The following WSCD2 variants were observed in gnomAD, a reference collection of about 807,000 sequenced individuals.
The protein encoded by WSCD2 is sialate:O-sulfotransferase 2.
A neutral mutation model predicts 55.7 loss-of-function variants in WSCD2; 28 were observed. That is an observed-to-expected ratio of 0.50 (90% CI 0.37 to 0.69). The LOEUF (loss-of-function observed/expected upper bound fraction) is 0.69, where lower values mean the gene tolerates loss of function less well. Ranked by LOEUF, WSCD2 falls within the 30% of genes least tolerant of loss-of-function variation. WSCD2 has a pLI of 0.00. For missense variants in WSCD2, 616 were observed against 762.1 expected, an observed-to-expected ratio of 0.81 and a Z score of 2.26; for synonymous variants, 301 against 301.9, an observed-to-expected ratio of 1.00 and a Z score of 0.03.
chr12:108,238,642 T>C lies in WSCD2; in HGVS notation c.1145-1702T>C, dbSNP rs1889456591. 2.0e-5 allele frequency among the ~76,000 whole-genome samples: 3 copies of C among 152,336 alleles called. No individual in the cohort carries two copies. In the South Asian group the frequency reaches 6.2e-4, roughly 32 times the overall value. On this transcript the variant is annotated intron_variant, in intron 7 of 8. Transcript: ENST00000547525. ...CACAATGGCCTTGTGAGGGAGAAAG[T>C]GCATGGACCCATTTTACAGATGAGG...
intron 4 of WSCD2, among the ~76,000 whole-genome samples, chr12:108,213,097 C>A (rs1886421014): frequency 6.6e-6 from 1 of 152,122 alleles, no homozygotes; most frequent in East Asian, 1.9e-4. Flanking sequence ...TTCATTGAAC[C>A]AAAACACTTG....
At chr12:108,222,336 G>T (rs1183275199) in intron 4 of WSCD2, among the ~76,000 whole-genome samples, 2 of 152,196 alleles carry the variant, frequency 1.3e-5, no homozygotes, top group East Asian at 3.8e-4. Flanking sequence ...TGGGTCCTTA[G>T]ATTTGTCTTG....
intron 1 of WSCD2, among the ~76,000 whole-genome samples, chr12:108,143,620 T>C (rs768742242): frequency 1.3e-5 from 2 of 152,170 alleles, no homozygotes; most frequent in Non-Finnish European, 2.9e-5. Flanking sequence ...AAATCACGCC[T>C]ATTATGACTG....
intron 1 of WSCD2, among the ~76,000 whole-genome samples, chr12:108,187,096 A>C (rs769067011): frequency 6.6e-6 from 1 of 152,202 alleles, no homozygotes; most frequent in Non-Finnish European, 1.5e-5. Context: ...GAATGTCTCA[A>C]ATCCCAACTC....
At chr12:108,193,005 T>C (rs1245420953) in intron 1 of WSCD2, among the ~76,000 whole-genome samples, 1 of 152,014 alleles carries the variant, frequency 6.6e-6, no homozygotes, top group Non-Finnish European at 1.5e-5. Context: ...AGAATAGACA[T>C]ACGGTTAGGA....
intron 2 of WSCD2, among the ~76,000 whole-genome samples, chr12:108,199,057 G>A (rs530684336): frequency 2.0e-5 from 3 of 152,310 alleles, no homozygotes; most frequent in African/African-American, 7.2e-5. Context: ...AGAAGGAAGA[G>A]AAAATAAGAA....
chr12:108,171,901 C>CA (rs958470728), intron 1 of WSCD2: 6 of 152,012 alleles, frequency 3.9e-5, no homozygotes, highest in Non-Finnish European at 8.8e-5. Context: ...TATTCCTAAA[C>CA]AAAAAAGAAA....
intron 1 of WSCD2, among the ~76,000 whole-genome samples, chr12:108,144,722 AG>A (rs1349052266): frequency 6.6e-6 from 1 of 152,166 alleles, no homozygotes; most frequent in Non-Finnish European, 1.5e-5. Flanking sequence ...GCCTGGTGAA[AG>A]GGAGTGAGAT....
intron 1 of WSCD2, among the ~76,000 whole-genome samples, chr12:108,187,744 G>C (rs1882685880): frequency 6.6e-6 from 1 of 152,162 alleles, no homozygotes; most frequent in South Asian, 2.1e-4. Flanking sequence ...TTTCCAATGA[G>C]GCAGGGTGGA....
At chr12:108,185,592 C>T (rs1299119968) in intron 1 of WSCD2, among the ~76,000 whole-genome samples, 2 of 152,126 alleles carry the variant, frequency 1.3e-5, no homozygotes, top group Admixed American at 6.5e-5. Context: ...CATTGTGATG[C>T]GCACACACAA....
chr12:108,150,404 C>G (rs907662616), intron 1 of WSCD2, among the ~76,000 whole-genome samples: 3 of 152,046 alleles, frequency 2.0e-5, no homozygotes, highest in Non-Finnish European at 4.4e-5. Flanking sequence ...AGGAGGGAGA[C>G]TTGGTTTATT....
At chr12:108,139,533 T>C (rs925889588) in intron 1 of WSCD2, among the ~76,000 whole-genome samples, 1 of 152,170 alleles carries the variant, frequency 6.6e-6, no homozygotes, top group African/African-American at 2.4e-5. Context: ...ACATGGGCTG[T>C]AGACTGAAAC....
At chr12:108,207,304 G>C (rs977280818) in intron 3 of WSCD2, among the ~76,000 whole-genome samples, 1 of 152,156 alleles carries the variant, frequency 6.6e-6, no homozygotes, top group Admixed American at 6.5e-5. Context: ...AACCTCAGCT[G>C]CATGCCTGGT....
Position 108,210,189 on chromosome 12 carries a change from A to G in WSCD2, c.566A>G (p.Asn189Ser). The change falls in exon 4 of 9, where the codon AAC (asparagine) becomes AGC (serine). Residue 189 changes from asparagine to serine, a missense_variant. Asn to Ser is a conservative substitution (Grantham distance 46). Coordinates refer to ENST00000547525, the MANE Select transcript of WSCD2 (RefSeq NM_014653.4). The surrounding 1 kb of genome is among the most constrained non-coding windows in gnomAD (Gnocchi z 4.3). ...TGCGGCCACAAGATCCAGGCGACGA[A>G]CGTGAGCGAGGCAGAGTGCGACATG... ...CYCGHKIQAT[N>S]VSEAECDMEC... 1 of 1,614,060 alleles carries G rather than the reference A, an allele frequency of 6.2e-7. No homozygotes were observed. Among genetic ancestry groups the G allele is most frequent in the Non-Finnish European group, 8.5e-7 (1 of 1,179,972 alleles).
intron 2 of WSCD2, chr12:108,196,929 G>T (rs1178272557): frequency 2.0e-5 from 3 of 152,250 alleles, no homozygotes; most frequent in Non-Finnish European, 4.4e-5. Context: ...GGAAACTGAG[G>T]CTTGAAGAAG....
intron 6 of WSCD2, 27 bp downstream of exon 6, chr12:108,227,191 C>T (rs748131174): frequency 8.1e-6 from 13 of 1,597,076 alleles, no homozygotes; most frequent in Admixed American, 1.7e-5. Flanking sequence ...CCCAGTGGAC[C>T]CCAGATGCAC....
chr12:108,187,562 A>G (rs1473157839), intron 1 of WSCD2, among the ~76,000 whole-genome samples: 1 of 152,138 alleles, frequency 6.6e-6, no homozygotes, highest in East Asian at 1.9e-4. Flanking sequence ...TGATTTCCTA[A>G]TCTGTAAAAT....
At chr12:108,194,200 G>A (rs1883583769) in intron 1 of WSCD2, among the ~76,000 whole-genome samples, 1 of 152,122 alleles carries the variant, frequency 6.6e-6, no homozygotes, top group African/African-American at 2.4e-5. Flanking sequence ...TTACAGATGT[G>A]GGTTTCCCCC....
intron 1 of WSCD2, among the ~76,000 whole-genome samples, chr12:108,132,087 TG>T (rs1396641049): frequency 5.3e-5 from 8 of 151,886 alleles, no homozygotes; most frequent in Non-Finnish European, 8.8e-5. Context: ...TATGCACACA[TG>T]GGGGAATGAT....
Sources: gnomAD v4.1 joint callset for allele counts (sites outside exome capture counted in the v4.1 genomes callset) on GRCh38, gnomAD v4.1.1 for gene constraint, Gnocchi (gnomAD v3.1) non-coding constraint, MANE v1.5 for transcripts, NCBI Gene and HGNC (gene_info 2026-07-23, HGNC 2026-07-21) for gene names.